PYHIN1: variants seen among roughly 807,000 people sequenced by gnomAD.
PYHIN1 encodes pyrin and HIN domain-containing protein 1.
A neutral mutation model predicts 43.7 loss-of-function variants in PYHIN1; 32 were observed. The ratio of observed to expected loss-of-function variants is 0.73; its 90% CI spans 0.55 to 0.98. The LOEUF is 0.98. Ranked by LOEUF, PYHIN1 falls within the 50% of genes least tolerant of loss-of-function variation. PYHIN1 has a pLI of 0.00. For synonymous variants in PYHIN1, 205 were observed against 203.1 expected, an observed-to-expected ratio of 1.01 and a Z score of -0.08; for missense variants, 588 against 589.5, an observed-to-expected ratio of 1.00 and a Z score of 0.03.
intron 7 of PYHIN1, among the ~76,000 whole-genome samples, chr1:158,950,205 G>A (rs182520218): frequency 7.9e-4 from 121 of 152,276 alleles, no homozygotes; most frequent in Admixed American, 1.2e-3. Flanking sequence ...CAGACAAAGC[G>A]AGAGCATAAA....
chr1:158,946,212 G>C (rs1326690235), intron 7 of PYHIN1, among the ~76,000 whole-genome samples: 1 of 152,128 alleles, frequency 6.6e-6, no homozygotes, highest in East Asian at 1.9e-4. Context: ...CCACTCTCCA[G>C]AATTAGAGTC....
In PYHIN1 at chr1:158,942,236, T is replaced by G; in HGVS notation, c.839T>G (p.Leu280Arg). Residue 280 changes from leucine to arginine, a missense_variant, in exon 5 of 9, where the codon CTC (leucine) becomes CGC (arginine). Physicochemically the swap from Leu to Arg is moderately radical, Grantham distance 102. Coordinates refer to ENST00000368140, the MANE Select transcript of PYHIN1 (RefSeq NM_152501.5). ...IISNYSKRNS[L>R]LEVNEASSVS... ...TCAAATTATTCCAAACGTAATAGTC[T>G]CCTAGAGGTGAATGAAGCCTCTTCT... 1.2e-6 allele frequency: 2 copies of G among 1,614,062 alleles called. No homozygotes were observed. Among genetic ancestry groups the G allele is most frequent in the South Asian group, 1.1e-5 (1 of 91,076 alleles).
the PYHIN1 span, among the ~76,000 whole-genome samples, chr1:158,985,658 G>A: frequency 6.6e-6 from 1 of 152,062 alleles, no homozygotes; most frequent in Non-Finnish European, 1.5e-5. Flanking sequence ...GTAATATCTT[G>A]CTGGGGTACT....
intron 1 of PYHIN1, among the ~76,000 whole-genome samples, chr1:158,934,947 C>A (rs768643338): frequency 7.2e-5 from 11 of 152,116 alleles, no homozygotes; most frequent in Non-Finnish European, 1.5e-4. Context: ...CCAGGCTGGT[C>A]TTGAACCCTT....
At chr1:158,976,555 G>A in intron 8 of PYHIN1, 146 bp from the exon 9 acceptor site, 1 of 565,820 alleles carries the variant, frequency 1.8e-6, no homozygotes, top group Non-Finnish European at 3.2e-6. Flanking sequence ...CATTAAAGGA[G>A]ATAGATGAGA....
chr1:158,942,522 C>T (rs113830683), intron 5 of PYHIN1, 123 bp downstream of exon 5: 16 of 710,818 alleles, frequency 2.3e-5, no homozygotes, highest in Middle Eastern at 8.3e-4. Flanking sequence ...CTCAAAACTA[C>T]TGACAAGTAG....
rs35746133 is a variant in PYHIN1 at position 158,977,040 on chromosome 1, C to CT, written c.*353dup. 136,279 of 154,916 alleles carry CT rather than the reference C, an allele frequency of 0.88. 61,437 individuals carry two copies. The highest frequency in any genetic ancestry group is 0.98 in the Middle Eastern group (301 of 306). The allele number at this position is 154,916 out of a possible 1,614,324, so 9.6% of individuals were successfully genotyped here. A position where few individuals can be genotyped will look rare whatever the true frequency, so the allele number is the denominator to read the frequency against. ...TTTTCATAATTTGAAAAAAAATAAA[C>CT]TTTTTTTTCTTAAAGAGTGCTTCCA... On this transcript the variant is annotated 3_prime_UTR_variant, in exon 9 of 9. Coordinates refer to ENST00000368140, the MANE Select transcript of PYHIN1 (RefSeq NM_152501.5).
chr1:158,983,986 C>T, the PYHIN1 span, among the ~76,000 whole-genome samples: 1 of 146,440 alleles, frequency 6.8e-6, no homozygotes, highest in Non-Finnish European at 1.5e-5. Context: ...ATGGTAATGT[C>T]CCCTTTGTCA....
chr1:158,958,113 C>T (rs1650072316), intron 7 of PYHIN1, among the ~76,000 whole-genome samples: 3 of 151,790 alleles, frequency 2.0e-5, no homozygotes, highest in South Asian at 4.2e-4. Flanking sequence ...ACAACAGGTG[C>T]TGGAGAGGAT....
chr1:158,984,386 ATTAAT>A, the PYHIN1 span, among the ~76,000 whole-genome samples: 2 of 151,932 alleles, frequency 1.3e-5, no homozygotes, highest in Non-Finnish European at 1.5e-5. Context: ...TGATTTCTGC[ATTAAT>A]TTAATTTATT....
rs1459796017 is a variant in PYHIN1, at chr1:158,973,684, C to A, written c.1397C>A (p.Ala466Glu). Residue 466 changes from alanine (A) to glutamate (E), a missense_variant, in exon 8 of 9, where the codon GCA (alanine) becomes GAA (glutamate). Transcript: ENST00000368140. The stretch of plus-strand genomic sequence containing the variant: ...CACCCAGGAGCACAGTCATCGCCTG[C>A]AAACTTTAGAATCACCTCACCAACT... ...ETHPGAQSSP[A>E]NFRITSPTVA... The A allele has an allele frequency of 6.2e-7, 1 of 1,613,118 alleles. No individual in the cohort carries two copies. Among genetic ancestry groups the A allele is most frequent in the Non-Finnish European group, 8.5e-7 (1 of 1,179,402 alleles).
At chr1:158,941,696 T>A (rs983636807) in intron 4 of PYHIN1, among the ~76,000 whole-genome samples, 1 of 152,240 alleles carries the variant, frequency 6.6e-6, no homozygotes, top group South Asian at 2.1e-4. Context: ...TAATTCATGA[T>A]GATTGGCTCA....
Position 158,935,801 on chromosome 1 carries a change from G to C in PYHIN1, c.-20-1090G>C, listed in dbSNP as rs1648498010. Among the ~76,000 whole-genome samples the C allele has an allele frequency of 3.9e-5, 6 of 152,080 alleles. No homozygotes were observed. In the South Asian group the frequency reaches 1.2e-3, roughly 32 times the overall value. On this transcript the variant is annotated intron_variant, in intron 1 of 8. Coordinates refer to ENST00000368140, the MANE Select transcript of PYHIN1 (RefSeq NM_152501.5). ...TAAGAAACAACAGGCAGGTTTTGGG[G>C]GATAGGCTCCAGCCCCAGTAAAGGA...
At chr1:158,938,994 C>T in intron 3 of PYHIN1, 86 bp from the exon 4 acceptor site, 3 of 1,023,618 alleles carry the variant, frequency 2.9e-6, no homozygotes, top group Non-Finnish European at 4.1e-6. Context: ...AATTTATATA[C>T]AATAAATATA....
At position 158,944,949 on chromosome 1, in the gene PYHIN1, A is replaced by C; in HGVS notation, c.1266A>C (p.Pro422=). ...MALPQEQSQH[P]KPSEASTTLP... ...TACCCCAGGAACAGAGTCAGCATCCAAAACCTTCAGAGGCCAGCACAACCC... is the reference window on the plus strand; with the variant it reads ...TACCCCAGGAACAGAGTCAGCATCCCAAACCTTCAGAGGCCAGCACAACCC... Residue 422 remains proline (P), a synonymous_variant, in exon 7 of 9, where the codon CCA becomes CCC. Coordinates refer to ENST00000368140, the MANE Select transcript of PYHIN1 (RefSeq NM_152501.5). 1 of 1,613,800 alleles carries C rather than the reference A, an allele frequency of 6.2e-7. No individual in the cohort carries two copies. The highest frequency in any genetic ancestry group is 1.1e-5 in the South Asian group (1 of 91,044).
At chr1:158,964,833 T>C (rs1398014231) in intron 7 of PYHIN1, among the ~76,000 whole-genome samples, 1 of 151,950 alleles carries the variant, frequency 6.6e-6, no homozygotes, top group African/African-American at 2.4e-5. Context: ...CAGAAACAAG[T>C]CTGCATAATA....
the PYHIN1 span, among the ~76,000 whole-genome samples, chr1:158,987,704 T>G: frequency 4.2e-3 from 646 of 152,320 alleles, 2 homozygotes; most frequent in Non-Finnish European, 7.6e-3. Flanking sequence ...TTTGAACTAA[T>G]TTTTTCATAT....
chr1:158,962,805 C>T (rs903143933), intron 7 of PYHIN1, among the ~76,000 whole-genome samples: 14 of 152,196 alleles, frequency 9.2e-5, no homozygotes, highest in East Asian at 1.9e-4. Context: ...ACAGCTGCCC[C>T]ACCCATGGCT....
intron 2 of PYHIN1, among the ~76,000 whole-genome samples, chr1:158,937,829 C>T (rs2101647008): frequency 6.6e-6 from 1 of 152,120 alleles, no homozygotes; most frequent in East Asian, 1.9e-4. Flanking sequence ...ACCTGTAGTC[C>T]CAGCTACTCG....
Sources: gnomAD v4.1 joint callset for allele counts (sites outside exome capture counted in the v4.1 genomes callset) on GRCh38, gnomAD v4.1.1 for gene constraint, MANE v1.5 for transcripts, NCBI Gene and HGNC (gene_info 2026-07-23, HGNC 2026-07-21) for gene names.